Variants in HFM1 observed in about 807,000 individuals in gnomAD.
The protein encoded by HFM1 is helicase for meiosis 1.
HFM1 carries 169 observed loss-of-function variants against 192.1 expected under a neutral mutation model. The observed-to-expected ratio is 0.88, with a 90% CI of 0.78 to 1.00. The LOEUF is 1.00. Ranked by LOEUF, HFM1 falls within the 50% of genes least tolerant of loss-of-function variation. HFM1 has a pLI of 0.00. For missense variants in HFM1, 1,661 were observed against 1,668.0 expected (o/e 1.00, Z 0.07); for synonymous variants, 525 against 537.8 (o/e 0.98, Z 0.33).
In HFM1 at chr1:91,305,606, T is replaced by G. The variant is rs112651300; in HGVS notation, c.3391+7743A>C. Among the ~76,000 whole-genome samples, 354 of 152,226 alleles carry G rather than the reference T, an allele frequency of 2.3e-3. 1 individual carries two copies. Among genetic ancestry groups the G allele is most frequent in the African/African-American group, 8.0e-3 (333 of 41,552 alleles). On this transcript the variant is annotated intron_variant, in intron 30 of 38. Transcript: ENST00000370425. Reference sequence around the variant, plus strand: ...TTTTTGAGACAAGGTCTCACTCTGTTGCCCAGGCTGGAGTGGAGTGGTGTA... The same window carrying G: ...TTTTTGAGACAAGGTCTCACTCTGTGGCCCAGGCTGGAGTGGAGTGGTGTA...
chr1:91,306,936 C>T lies in HFM1; in HGVS notation c.3391+6413G>A, dbSNP rs565857483. ...AGCTTTGCTTCTCAATAAATATTCTCATTTTAACCCAAACTATGTCAAATT... is the reference window on the plus strand; with the variant it reads ...AGCTTTGCTTCTCAATAAATATTCTTATTTTAACCCAAACTATGTCAAATT... On this transcript the variant is annotated intron_variant, in intron 30 of 38. Coordinates refer to ENST00000370425, the MANE Select transcript of HFM1 (RefSeq NM_001017975.6). Among the ~76,000 whole-genome samples, 4 of 152,222 alleles carry T rather than the reference C, an allele frequency of 2.6e-5. No homozygotes were observed. In the South Asian group the frequency reaches 8.3e-4, roughly 32 times the overall value.
chr1:91,277,136 A>T (rs1009357853), intron 30 of HFM1, 74 bp from the exon 31 acceptor site: 8 of 770,390 alleles, frequency 1.0e-5, no homozygotes, highest in African/African-American at 9.0e-5. Context: ...ATTAATTTTT[A>T]TCCAGTTTCC....
intron 13 of HFM1, among the ~76,000 whole-genome samples, chr1:91,361,190 A>G (rs994923463): frequency 6.6e-5 from 10 of 152,074 alleles, no homozygotes; most frequent in African/African-American, 2.4e-4. Context: ...AGAAATAACG[A>G]AGATCAGAGC....
chr1:91,309,414 A>C (rs1241898694), intron 30 of HFM1, among the ~76,000 whole-genome samples: 2 of 152,236 alleles, frequency 1.3e-5, no homozygotes, highest in Non-Finnish European at 2.9e-5. Context: ...AGCTAGTCCT[A>C]AAAATATAAA....
intron 30 of HFM1, among the ~76,000 whole-genome samples, chr1:91,290,222 G>C (rs1273113291): frequency 6.6e-6 from 1 of 152,108 alleles, no homozygotes; most frequent in Non-Finnish European, 1.5e-5. Flanking sequence ...AATGTACATG[G>C]ACTAAATGCT....
intron 6 of HFM1, among the ~76,000 whole-genome samples, chr1:91,381,193 T>C (rs981681174): frequency 2.6e-5 from 4 of 152,114 alleles, no homozygotes; most frequent in Non-Finnish European, 4.4e-5. Context: ...AAAGTTCTTA[T>C]AGGGAAATAA....
chr1:91,263,754 T>C (rs1416736494), intron 36 of HFM1, among the ~76,000 whole-genome samples: 3 of 152,048 alleles, frequency 2.0e-5, no homozygotes, highest in African/African-American at 7.2e-5. Flanking sequence ...AAATCTCCTT[T>C]CCACCCCAAA....
In HFM1 at chr1:91,378,469, A is replaced by G. The variant is rs1002472538; in HGVS notation, c.1170T>C (p.Asp390=). 6.3e-7 allele frequency: 1 copy of G among 1,599,094 alleles called. No individual in the cohort carries two copies. Among genetic ancestry groups the G allele is most frequent in the Admixed American group, 1.7e-5 (1 of 59,636 alleles). The change falls in exon 10 of 39, where the codon GAT becomes GAC. Residue 390 remains aspartate, a synonymous_variant. Coordinates refer to ENST00000370425, the MANE Select transcript of HFM1 (RefSeq NM_001017975.6). The stretch of plus-strand genomic sequence containing the variant: ...TGTCTCTCCATTTCCTAGTCATGCT[A>G]TCCCATTTTTCCTAGAGAGAAAAAA... The part of the protein sequence containing the change: ...HIIMTTPEKW[D]SMTRKWRDNS...
intron 13 of HFM1, among the ~76,000 whole-genome samples, chr1:91,366,967 GC>G (rs1172131867): frequency 6.6e-6 from 1 of 152,180 alleles, no homozygotes; most frequent in African/African-American, 2.4e-5. Context: ...TATATCCTGC[GC>G]CTGGCTTGGA....
chr1:91,346,852 G>T (rs765753288), intron 19 of HFM1, among the ~76,000 whole-genome samples: 3 of 152,148 alleles, frequency 2.0e-5, no homozygotes, highest in Admixed American at 6.6e-5. Flanking sequence ...GTTGGGCATG[G>T]TCGCTCACAG....
chr1:91,302,547 T>C (rs1648953869), intron 30 of HFM1, among the ~76,000 whole-genome samples: 4 of 152,050 alleles, frequency 2.6e-5, no homozygotes, highest in African/African-American at 9.7e-5. Flanking sequence ...TGTCCAACAA[T>C]GATAGACTGG....
Position 91,329,370 on chromosome 1 carries a change from C to A in HFM1, c.2336-4604G>T, listed in dbSNP as rs925187912. On this transcript the variant is annotated intron_variant, in intron 20 of 38. Transcript: ENST00000370425. ...TGGGGTCAAGAGGCTGAGTAAGAGT[C>A]ATTAAGGCAGCACCCAGGGCCGCCT... 16 of 1,595,402 alleles carry A rather than the reference C, an allele frequency of 1.0e-5. No homozygotes were observed. In the Admixed American group the frequency reaches 2.4e-4, roughly 24 times the overall value.
chr1:91,368,928 A>G (rs2101901256), intron 13 of HFM1, among the ~76,000 whole-genome samples: 1 of 152,346 alleles, frequency 6.6e-6, no homozygotes, highest in Admixed American at 6.5e-5. Context: ...TGGAAAACAA[A>G]AAAAGGCAGG....
chr1:91,362,838 A>G (rs1408873332), intron 13 of HFM1, among the ~76,000 whole-genome samples: 1 of 152,176 alleles, frequency 6.6e-6, no homozygotes, highest in Admixed American at 6.5e-5. Flanking sequence ...CACATAGACC[A>G]AAGGAAAAGA....
intron 8 of HFM1, 31 bp from the exon 9 acceptor site, chr1:91,379,245 A>T (rs76876999): frequency 3.9e-5 from 61 of 1,545,480 alleles, no homozygotes; most frequent in East Asian, 6.8e-5. Context: ...TACTTTGAAC[A>T]TCAGTTCAAT....
intron 13 of HFM1, among the ~76,000 whole-genome samples, chr1:91,357,286 C>A (rs943260530): frequency 6.6e-6 from 1 of 152,128 alleles, no homozygotes; most frequent in Non-Finnish European, 1.5e-5. Flanking sequence ...GCAAGCAAGG[C>A]TGGTTTAATA....
At chr1:91,365,784 T>A (rs1659214054) in intron 13 of HFM1, among the ~76,000 whole-genome samples, 1 of 152,002 alleles carries the variant, frequency 6.6e-6, no homozygotes, top group African/African-American at 2.4e-5. Context: ...CACTGTTAGG[T>A]ATCTTAGAAA....
intron 30 of HFM1, among the ~76,000 whole-genome samples, chr1:91,279,913 T>G (rs146809014): frequency 7.7e-4 from 117 of 151,714 alleles, no homozygotes; most frequent in Non-Finnish European, 1.4e-3. Context: ...AACACTAAAA[T>G]AGAAAAAAAA....
chr1:91,264,657 GCCA>G lies in HFM1; in HGVS notation c.3974+1357_3974+1359del, dbSNP rs1444416421. Among the ~76,000 whole-genome samples, 6 of 152,014 alleles carry G rather than the reference GCCA, an allele frequency of 3.9e-5. No individual in the cohort carries two copies. The South Asian group carries it at 1.3e-3, about 32-fold the overall frequency. ...CAAAGTGCTGGGATTACAAGCGTGA[GCCA>G]CCGCGAGTATTTTTTTAAAGCAGAG... On this transcript the variant is annotated intron_variant, in intron 36 of 38. Transcript: ENST00000370425.
Sources: gnomAD v4.1 joint callset for allele counts (sites outside exome capture counted in the v4.1 genomes callset) on GRCh38, gnomAD v4.1.1 for gene constraint, MANE v1.5 for transcripts, NCBI Gene and HGNC (gene_info 2026-07-23, HGNC 2026-07-21) for gene names.